FAM169A: variants seen among roughly 807,000 people sequenced by gnomAD.
FAM169A encodes soluble lamin-associated protein of 75 kDa.
Under a neutral mutation model 75.7 loss-of-function variants are expected in FAM169A, and 24 were observed. The ratio of observed to expected loss-of-function variants is 0.32; its 90% CI spans 0.23 to 0.45. FAM169A has a LOEUF of 0.45. FAM169A is among the 20% of genes least tolerant of loss of function. The pLI is 1.00. For missense variants in FAM169A, 673 were observed against 784.0 expected (o/e 0.86, Z 1.69); for synonymous variants, 271 against 271.0 (o/e 1.00, Z 0.00).
At chr5:74,827,915 C>T (rs979330396) in intron 5 of FAM169A, among the ~76,000 whole-genome samples, 1 of 152,114 alleles carries the variant, frequency 6.6e-6, no homozygotes, top group African/African-American at 2.4e-5. Flanking sequence ...ATCTGCCCAC[C>T]TTGGCCTCCC....
intron 5 of FAM169A, among the ~76,000 whole-genome samples, chr5:74,829,065 A>G (rs77556569): frequency 0.039 from 5,899 of 152,308 alleles, 388 homozygotes; most frequent in African/African-American, 0.13. Flanking sequence ...CGGTGTCCTG[A>G]ATAAACTAAA....
At chr5:74,855,039 T>A (rs775508508) in intron 1 of FAM169A, among the ~76,000 whole-genome samples, 9 of 152,200 alleles carry the variant, frequency 5.9e-5, no homozygotes, top group Non-Finnish European at 1.3e-4. Flanking sequence ...CTTTAAACTG[T>A]TCTCCATAGT....
chr5:74,849,963 G>A (rs1427980929), intron 1 of FAM169A, among the ~76,000 whole-genome samples: 1 of 152,150 alleles, frequency 6.6e-6, no homozygotes, highest in African/African-American at 2.4e-5. Flanking sequence ...TATAAATTAG[G>A]TAATAGAGCA....
At chr5:74,818,803 C>CTCTCTA (rs1451956898) in intron 5 of FAM169A, among the ~76,000 whole-genome samples, 63 of 121,656 alleles carry the variant, frequency 5.2e-4, no homozygotes, top group African/African-American at 7.5e-4. Context: ...CTCTCTCTCT[C>CTCTCTA]TATATATATA....
chr5:74,834,505 C>T lies in FAM169A; in HGVS notation c.411G>A (p.Leu137=). 1 of 1,605,250 alleles carries T rather than the reference C, an allele frequency of 6.2e-7. No individual in the cohort carries two copies. Among genetic ancestry groups the T allele is most frequent in the African/African-American group, 1.3e-5 (1 of 74,618 alleles). ...TAGCATAATCAGTACTGCTATGACACAGGAATGGGATCTCATTTCTCTCCA... is the reference window on the plus strand; with the variant it reads ...TAGCATAATCAGTACTGCTATGACATAGGAATGGGATCTCATTTCTCTCCA... ...QEMERNEIPF[L]CHSSTDYAKI... is the part of the protein sequence containing the mutation. Residue 137 remains leucine (L), a synonymous_variant, in exon 5 of 13, where the codon CTG becomes CTA. Coordinates refer to ENST00000687041, the MANE Select transcript of FAM169A (RefSeq NM_001376049.1).
In FAM169A at chr5:74,852,014, G is replaced by C. The variant is rs114367460; in HGVS notation, c.-3-10335C>G. On this transcript the variant is annotated intron_variant, in intron 1 of 12. Transcript: ENST00000687041. The stretch of plus-strand genomic sequence containing the variant: ...ATATCACAGAGATTTGTCTCATTTA[G>C]AACAATGAAGACTGATGTTTTCATT... Among the ~76,000 whole-genome samples the C allele has an allele frequency of 1.5e-3, 224 of 152,182 alleles. 1 individual carries two copies. Among genetic ancestry groups the C allele is most frequent in the African/African-American group, 5.3e-3 (218 of 41,510 alleles).
intron 5 of FAM169A, among the ~76,000 whole-genome samples, chr5:74,819,086 G>A (rs1263220877): frequency 2.0e-5 from 3 of 151,940 alleles, no homozygotes; most frequent in Non-Finnish European, 4.4e-5. Context: ...GGGCGTGGTG[G>A]CACACACCTA....
intron 8 of FAM169A, among the ~76,000 whole-genome samples, chr5:74,803,317 C>T (rs1252375784): frequency 1.3e-5 from 2 of 152,016 alleles, no homozygotes; most frequent in African/African-American, 4.8e-5. Context: ...GGAATTTGGA[C>T]TGCAGTAGAA....
At chr5:74,799,399 C>T (rs1746446331) in intron 10 of FAM169A, 1 of 1,613,130 alleles carries the variant, frequency 6.2e-7, no homozygotes, top group Non-Finnish European at 8.5e-7. Context: ...GGTGAGCAAG[C>T]ACATTAAAAA....
chr5:74,866,364 T>C lies in FAM169A; in HGVS notation c.-203A>G, dbSNP rs1750347860. 1.0e-6 allele frequency: 1 copy of C among 984,256 alleles called. No individual in the cohort carries two copies. Among genetic ancestry groups the C allele is most frequent in the Non-Finnish European group, 1.2e-6 (1 of 829,574 alleles). 61.0% of individuals were successfully genotyped at this position (984,256 alleles called of 1,614,324 possible). The stretch of plus-strand genomic sequence containing the variant: ...GTCGCGGGTCGGCCGCGGCCCACCG[T>C]GCCCTCCGACGACGTGACGCACTAG... On this transcript the variant is annotated 5_prime_UTR_variant, in exon 1 of 13. Coordinates refer to ENST00000687041, the MANE Select transcript of FAM169A (RefSeq NM_001376049.1).
chr5:74,862,957 G>C (rs1036094771), intron 1 of FAM169A, among the ~76,000 whole-genome samples: 1 of 147,232 alleles, frequency 6.8e-6, no homozygotes, highest in Non-Finnish European at 1.5e-5. Flanking sequence ...ATAAATGAAA[G>C]CTATCTTTGT....
rs190989771 is a variant in FAM169A, at chr5:74,791,823, G to A, written c.1260+4207C>T. Among the ~76,000 whole-genome samples, 1,252 of 152,344 alleles carry A rather than the reference G, an allele frequency of 8.2e-3. 5 individuals are homozygous for A. The highest frequency in any genetic ancestry group is 0.013 in the Non-Finnish European group (854 of 68,026). ...CTAAGGTGCTTGCTGAAGGCAAAGGGAATACAGAATGAGTAGCAGAAGAAG... is the reference window on the plus strand; with the variant it reads ...CTAAGGTGCTTGCTGAAGGCAAAGGAAATACAGAATGAGTAGCAGAAGAAG... On this transcript the variant is annotated intron_variant, in intron 11 of 12. Coordinates refer to ENST00000687041, the MANE Select transcript of FAM169A (RefSeq NM_001376049.1).
At chr5:74,863,307 C>A (rs1450176736) in intron 1 of FAM169A, among the ~76,000 whole-genome samples, 1 of 152,152 alleles carries the variant, frequency 6.6e-6, no homozygotes, top group Non-Finnish European at 1.5e-5. Flanking sequence ...GTGAAATATT[C>A]CTACCACCAC....
At chr5:74,817,620 A>T (rs1416623155) in intron 5 of FAM169A, among the ~76,000 whole-genome samples, 1 of 152,100 alleles carries the variant, frequency 6.6e-6, no homozygotes, top group African/African-American at 2.4e-5. Flanking sequence ...CAACCTAAAG[A>T]CTCAAAATCC....
chr5:74,832,661 T>TTA (rs1039043666), intron 5 of FAM169A, among the ~76,000 whole-genome samples: 26 of 149,284 alleles, frequency 1.7e-4, no homozygotes, highest in Non-Finnish European at 2.5e-4. Context: ...TAACATTTAT[T>TTA]TATATATATA....
chr5:74,797,512 T>G (rs1453379437), intron 10 of FAM169A, among the ~76,000 whole-genome samples: 2 of 152,212 alleles, frequency 1.3e-5, no homozygotes, highest in Non-Finnish European at 2.9e-5. Flanking sequence ...TATTCATCAG[T>G]TATCCTTAGC....
chr5:74,860,134 G>C (rs1749957758), intron 1 of FAM169A, among the ~76,000 whole-genome samples: 1 of 152,184 alleles, frequency 6.6e-6, no homozygotes, highest in Non-Finnish European at 1.5e-5. Context: ...ATAAAAGGCA[G>C]CTAGAAACAG....
chr5:74,835,112 T>C (rs1748503844), intron 4 of FAM169A, among the ~76,000 whole-genome samples: 1 of 152,090 alleles, frequency 6.6e-6, no homozygotes, highest in East Asian at 1.9e-4. Flanking sequence ...ATGTGTCTCA[T>C]CTTTTCCTGG....
chr5:74,830,897 C>T (rs1748279016), intron 5 of FAM169A, among the ~76,000 whole-genome samples: 1 of 152,110 alleles, frequency 6.6e-6, no homozygotes, highest in Non-Finnish European at 1.5e-5. Context: ...TCCTATATAG[C>T]ATAATGTCTC....
Sources: gnomAD v4.1 joint callset for allele counts (sites outside exome capture counted in the v4.1 genomes callset) on GRCh38, gnomAD v4.1.1 for gene constraint, MANE v1.5 for transcripts, NCBI Gene and HGNC (gene_info 2026-07-23, HGNC 2026-07-21) for gene names.